Variants in UNC13A observed in about 807,000 individuals in gnomAD.
UNC13A encodes protein unc-13 homolog A.
Under a neutral mutation model 219.7 loss-of-function variants are expected in UNC13A, and 61 were observed. The observed-to-expected ratio is 0.28, with a 90% CI of 0.23 to 0.34. The LOEUF is 0.34. Ranked by LOEUF, UNC13A falls within the 10% of genes least tolerant of loss-of-function variation. The pLI, the probability that UNC13A is intolerant of heterozygous loss-of-function variation, is 1.00. For synonymous variants in UNC13A, 920 were observed against 884.6 expected (o/e 1.04, Z -0.71); for missense variants, 1,476 against 2,270.3 (o/e 0.65, Z 7.11).
At chr19:17,608,360 AAT>A (rs1491331091) in intron 43 of UNC13A, among the ~76,000 whole-genome samples, 1 of 105,732 alleles carries the variant, frequency 9.5e-6, no homozygotes, top group African/African-American at 4.2e-5. Context: ...ATATAATATA[AAT>A]ATATATTATA....
chr19:17,647,788 C>T (rs114312931), intron 16 of UNC13A, among the ~76,000 whole-genome samples: 2,435 of 145,380 alleles, frequency 0.017, 79 homozygotes, highest in African/African-American at 0.059. Flanking sequence ...TCCCTAAGCC[C>T]CACCCCTCTG....
chr19:17,622,293 C>T (rs1391057287), intron 36 of UNC13A, among the ~76,000 whole-genome samples: 1 of 152,136 alleles, frequency 6.6e-6, no homozygotes, highest in East Asian at 1.9e-4. Context: ...ACTATATGAC[C>T]TTGAACAAGT....
chr19:17,646,498 C>T (rs372047172), intron 17 of UNC13A, among the ~76,000 whole-genome samples: 3 of 152,042 alleles, frequency 2.0e-5, no homozygotes, highest in Admixed American at 1.3e-4. Flanking sequence ...TCAGGTGATC[C>T]GCCTGCCTCA....
At position 17,655,497 on chromosome 19, in the gene UNC13A, AGAGACATTAGGACCCAC is replaced by A. The variant is rs2145864924; in HGVS notation, c.1284-132_1284-116del. On this transcript the variant is annotated intron_variant, in intron 10 of 43. Transcript: ENST00000519716. ...CTCCCCATGGTATCTCTGACCCCTC[AGAGACATTAGGACCCAC>A]GTGAGTCCCCTGGCCCACCTCAGTG... 6 of 873,978 alleles carry A rather than the reference AGAGACATTAGGACCCAC, an allele frequency of 6.9e-6. No homozygotes were observed. In the East Asian group the frequency reaches 1.6e-4, roughly 23 times the overall value. The allele number at this position is 873,978 out of a possible 1,614,324, so 54.1% of individuals were successfully genotyped here.
Position 17,627,855 on chromosome 19 carries a change from T to C in UNC13A, c.3831+8A>G. On this transcript the variant is annotated splice_region_variant and intron_variant, in intron 32 of 43. Transcript: ENST00000519716. This position sits in a 1 kb window ranked among gnomAD's most constrained non-coding sequence, Gnocchi z 4.7. ...CCCTTCTCCAGCCCTGCCTCGGCCCTGCCTCACCTCCTTTCCTCCCATGGC... is the reference window on the plus strand; with the variant it reads ...CCCTTCTCCAGCCCTGCCTCGGCCCCGCCTCACCTCCTTTCCTCCCATGGC... The C allele has an allele frequency of 6.3e-7, 1 of 1,596,720 alleles. No homozygotes were observed. Among genetic ancestry groups the C allele is most frequent in the Admixed American group, 1.7e-5 (1 of 57,274 alleles).
chr19:17,648,400 C>A, intron 16 of UNC13A, 31 bp downstream of exon 16: 2 of 1,511,200 alleles, frequency 1.3e-6, no homozygotes, highest in Non-Finnish European at 1.8e-6. Flanking sequence ...CCACGCCAAC[C>A]CGTGGCCCTG....
At chr19:17,682,880 AT>A (rs1402734464) in intron 1 of UNC13A, among the ~76,000 whole-genome samples, 1 of 152,166 alleles carries the variant, frequency 6.6e-6, no homozygotes, top group Non-Finnish European at 1.5e-5. Context: ...CCTGGCTAGC[AT>A]GGTGAAACCC....
chr19:17,638,877 T>G (rs896146142), intron 25 of UNC13A, among the ~76,000 whole-genome samples: 1 of 152,024 alleles, frequency 6.6e-6, no homozygotes, highest in African/African-American at 2.4e-5. Context: ...CGCAACCAAA[T>G]GTACTGAGTG....
In UNC13A at chr19:17,602,457, CCTT is replaced by C. The variant is rs1232982398; in HGVS notation, c.*3594_*3596del. ...TAACCCTTGCCCTGCCACAGGCCAACCTTCTTGTGCTGTTTCCCCGATTCATGG... is the reference window on the plus strand; with the variant it reads ...TAACCCTTGCCCTGCCACAGGCCAACCTTGTGCTGTTTCCCCGATTCATGG... On this transcript the variant is annotated 3_prime_UTR_variant, in exon 44 of 44. Transcript: ENST00000519716. 3.9e-5 allele frequency: 6 copies of C among 152,236 alleles called. No homozygotes were observed. The highest frequency in any genetic ancestry group is 8.8e-5 in the Non-Finnish European group (6 of 68,086). The allele number at this position is 152,236 out of a possible 1,614,324, so 9.4% of individuals were successfully genotyped here.
At position 17,606,303 on chromosome 19, in the gene UNC13A, G is replaced by C; in HGVS notation, c.4863C>G (p.Val1621=). ...GPECYELQVC[V]KDYCFAREDR... ...CCTCGCGCGCGAAGCAGTAGTCCTT[G>C]ACGCACACCTGCAGCTCATAGCACT... is the stretch of plus-strand genomic sequence containing the variant. Residue 1621 remains valine, a synonymous_variant, in exon 44 of 44, where the codon GTC becomes GTG. Coordinates refer to ENST00000519716, the MANE Select transcript of UNC13A (RefSeq NM_001080421.3). 1.9e-6 allele frequency: 3 copies of C among 1,549,808 alleles called. No homozygotes were observed. Among genetic ancestry groups the C allele is most frequent in the Non-Finnish European group, 2.6e-6 (3 of 1,147,660 alleles).
intron 2 of UNC13A, among the ~76,000 whole-genome samples, chr19:17,675,630 C>CAAAAAAAAAAAAAAAAAA (rs35996994): frequency 7.8e-6 from 1 of 127,662 alleles, no homozygotes; most frequent in African/African-American, 2.8e-5. Context: ...GACTCTGTCT[C>CAAAAAAAAAAAAAAAAAA]AAAAAAAAAA....
At position 17,627,931 on chromosome 19, in the gene UNC13A, G is replaced by C. The variant is rs749364153; in HGVS notation, c.3763C>G (p.Leu1255Val). Residue 1255 changes from leucine to valine, a missense_variant, in exon 32 of 44, where the codon CTC becomes GTC. Leu to Val is a conservative substitution (Grantham distance 32). Around this residue, in one of 14 missense-constraint regions of UNC13A, gnomAD observed 218 missense variants for 409.4 expected, o/e 0.53. Coordinates refer to ENST00000519716, the MANE Select transcript of UNC13A (RefSeq NM_001080421.3). This position sits in a 1 kb window ranked among gnomAD's most constrained non-coding sequence, Gnocchi z 4.7. The stretch of plus-strand genomic sequence containing the variant: ...CGTAGCTGTTGAGTGTTATTCATGA[G>C]AATGCAGGGCTGTGGGTGGGAACAG... ...SKEKEKVPCI[L>V]MNNTQQLRVQ... The C allele has an allele frequency of 6.3e-7, 1 of 1,595,492 alleles. No individual in the cohort carries two copies. The highest frequency in any genetic ancestry group is 1.8e-5 in the Admixed American group (1 of 56,940).
At chr19:17,633,338 T>C in intron 26 of UNC13A, 145 bp from the exon 27 acceptor site, 1 of 672,636 alleles carries the variant, frequency 1.5e-6, no homozygotes, top group Non-Finnish European at 2.6e-6. Flanking sequence ...GCTGACTGAC[T>C]CTGCACTAAG....
At chr19:17,653,869 C>G (rs113076887) in intron 11 of UNC13A, among the ~76,000 whole-genome samples, 1,562 of 140,634 alleles carry the variant, frequency 0.011, 11 homozygotes, top group Non-Finnish European at 0.016. Flanking sequence ...CTCTGTCACC[C>G]AGGCTGGTGT....
At position 17,669,691 on chromosome 19, in the gene UNC13A, A is replaced by G; in HGVS notation, c.271-15T>C. 1 of 1,600,208 alleles carries G rather than the reference A, an allele frequency of 6.2e-7. No individual in the cohort carries two copies. The highest frequency in any genetic ancestry group is 8.5e-7 in the Non-Finnish European group (1 of 1,173,712). On this transcript the variant is annotated splice_polypyrimidine_tract_variant and intron_variant, in intron 4 of 43. Transcript: ENST00000519716. Reference sequence around the variant, plus strand: ...CCAGGGCCCTCCTGGGGGTTGGGGGAGGAGGTGTGTGGGTCAGGAATCTGC... The same window carrying G: ...CCAGGGCCCTCCTGGGGGTTGGGGGGGGAGGTGTGTGGGTCAGGAATCTGC...
chr19:17,682,084 C>T (rs1437457771), intron 1 of UNC13A, among the ~76,000 whole-genome samples: 2 of 151,688 alleles, frequency 1.3e-5, no homozygotes, highest in African/African-American at 2.4e-5. Context: ...CCCTGAGTAG[C>T]TGGGACTACA....
At chr19:17,648,135 C>G (rs2145068384) in intron 16 of UNC13A, among the ~76,000 whole-genome samples, 1 of 151,078 alleles carries the variant, frequency 6.6e-6, no homozygotes, top group Non-Finnish European at 1.5e-5. Context: ...CCTCTTCTCA[C>G]TAAGCCTGTC....
chr19:17,673,494 A>G (rs2079833829), intron 3 of UNC13A, among the ~76,000 whole-genome samples: 1 of 151,418 alleles, frequency 6.6e-6, no homozygotes, highest in South Asian at 2.1e-4. Context: ...AAAGTTCAAG[A>G]CCAGCCTGGC....
intron 41 of UNC13A, among the ~76,000 whole-genome samples, chr19:17,614,890 G>T (rs1238500750): frequency 1.3e-5 from 2 of 152,200 alleles, no homozygotes; most frequent in Non-Finnish European, 2.9e-5. Flanking sequence ...GGTGCCGGGG[G>T]TGCCAGGGGG....
Sources: allele counts gnomAD v4.1 joint callset (sites outside exome capture counted in the v4.1 genomes callset), GRCh38; gene constraint gnomAD v4.1.1; regional missense constraint gnomAD v4.1.1; non-coding constraint Gnocchi (gnomAD v3.1); transcripts MANE v1.5; gene names NCBI Gene and HGNC (gene_info 2026-07-23, HGNC 2026-07-21).